Variants in AMPD2 observed in about 807,000 individuals in gnomAD.
AMPD2 encodes the protein adenosine monophosphate deaminase 2, also known as AMP deaminase 2.
AMPD2 carries 52 observed loss-of-function variants against 91.3 expected under a neutral mutation model. The ratio of observed to expected loss-of-function variants is 0.57; its 90% confidence interval spans 0.46 to 0.72. The LOEUF (loss-of-function observed/expected upper bound fraction) is 0.72, where lower values mean the gene tolerates loss of function less well. AMPD2 is among the 30% of genes least tolerant of loss of function. AMPD2 has a pLI of 0.00. For missense variants in AMPD2, 822 were observed against 1,122.3 expected (o/e 0.73, Z 3.82); for synonymous variants, 455 against 456.4 (o/e 1.00, Z 0.04).
intron 16 of AMPD2, 74 bp from the exon 17 acceptor site, chr1:109,630,159 G>C (rs189573337): frequency 1.3e-6 from 2 of 1,533,714 alleles, no homozygotes; most frequent in East Asian, 2.3e-5. Flanking sequence ...CTGTGGCCTG[G>C]ACCCCCAGAA....
chr1:109,627,763 C>T lies in AMPD2; in HGVS notation c.951-11C>T, dbSNP rs1261672163. On this transcript the variant is annotated splice_polypyrimidine_tract_variant and intron_variant, in intron 9 of 18. Transcript: ENST00000528667. ...GGGCCTAAGTCCCTGCCTTGTTCTC[C>T]TCATGCCCAGAAAGTCATTCTGCTA... 1.2e-6 allele frequency: 2 copies of T among 1,613,794 alleles called. No individual in the cohort carries two copies. The highest frequency in any genetic ancestry group is 1.7e-6 in the Non-Finnish European group (2 of 1,179,806).
In AMPD2 at chr1:109,627,904, G is replaced by A; in HGVS notation, c.1080+1G>A. 1 of 1,613,862 alleles carries A rather than the reference G, an allele frequency of 6.2e-7. No individual in the cohort carries two copies. Among genetic ancestry groups the A allele is most frequent in the Non-Finnish European group, 8.5e-7 (1 of 1,179,972 alleles). ...CCGAGATTTCTACAACATCCGCAAG[G>A]TGGGCCCTCACCCCGTGGCCGTCTC... is the stretch of plus-strand genomic sequence containing the variant. On this transcript the variant is annotated splice_donor_variant, in intron 10 of 18. Transcript: ENST00000528667. LOFTEE classifies it high-confidence loss of function.
rs970377105 is a variant in AMPD2 at position 109,624,960 on chromosome 1, C to T, written c.92-343C>T. On this transcript the variant is annotated intron_variant, in intron 2 of 18. Coordinates refer to ENST00000528667, the MANE Select transcript of AMPD2 (RefSeq NM_001368809.2). This position sits in a 1 kb window ranked among gnomAD's most constrained non-coding sequence, Gnocchi z 5.2. ...GTGCGTACGTGCATGTGTGTGCACA[C>T]GTACACACGTGCACCTGCCTCTGGG... Among the ~76,000 whole-genome samples the T allele has an allele frequency of 5.3e-5, 8 of 152,142 alleles. No homozygotes were observed. The highest frequency in any genetic ancestry group is 3.9e-4 in the Admixed American group (6 of 15,290).
chr1:109,622,996 T>C (rs563516815), intron 2 of AMPD2, among the ~76,000 whole-genome samples: 12 of 152,240 alleles, frequency 7.9e-5, no homozygotes, highest in East Asian at 1.9e-4. Flanking sequence ...AAGTAAGAGA[T>C]AGAGTCACCC....
In AMPD2 at chr1:109,627,282, G is replaced by T. The variant is rs777909141; in HGVS notation, c.826G>T (p.Val276Leu). 6.2e-7 allele frequency: 1 copy of T among 1,606,892 alleles called. No homozygotes were observed. Among genetic ancestry groups the T allele is most frequent in the Non-Finnish European group, 8.5e-7 (1 of 1,175,376 alleles). ...GGGTCTGCGCATGGTGCGGGGTGTG[G>T]TGCACGTCTACACCCGCAGGGAACC... ...GLGLRMVRGVVHVYTRREPDE... is the reference protein window; with the variant it reads ...GLGLRMVRGVLHVYTRREPDE... Residue 276 changes from valine (V) to leucine (L), a missense_variant, in exon 8 of 19, where the codon GTG becomes TTG. By Grantham distance (32) the Val-to-Leu change is conservative (BLOSUM62 1). Coordinates refer to ENST00000528667, the MANE Select transcript of AMPD2 (RefSeq NM_001368809.2).
chr1:109,625,582 C>A lies in AMPD2; in HGVS notation c.223-80C>A. The A allele has an allele frequency of 6.3e-7, 1 of 1,599,808 alleles. No individual in the cohort carries two copies. The highest frequency in any genetic ancestry group is 8.5e-7 in the Non-Finnish European group (1 of 1,169,596). On this transcript the variant is annotated intron_variant, in intron 3 of 18. Coordinates refer to ENST00000528667, the MANE Select transcript of AMPD2 (RefSeq NM_001368809.2). This position sits in a 1 kb window ranked among gnomAD's most constrained non-coding sequence, Gnocchi z 4.0. ...CCCAGGTACCCCTGGTCCTGCTGCC[C>A]TCACCCCATCCCCAGACTCTGTAGG... is the stretch of plus-strand genomic sequence containing the variant.
chr1:109,631,691 T>C lies in AMPD2; in HGVS notation c.*539T>C, dbSNP rs1428417441. 1 of 165,566 alleles carries C rather than the reference T, an allele frequency of 6.0e-6. No homozygotes were observed. The highest frequency in any genetic ancestry group is 2.4e-5 in the African/African-American group (1 of 41,596). 10.3% of individuals were successfully genotyped at this position (165,566 alleles called of 1,614,324 possible). A position where few individuals can be genotyped will look rare whatever the true frequency, so the allele number is the denominator to read the frequency against. ...AGCTCAGTCACAGGCCTGGGCTTCCTGGCCTGAGTGGGTAGACGCAGGCGG... is the reference window on the plus strand; with the variant it reads ...AGCTCAGTCACAGGCCTGGGCTTCCCGGCCTGAGTGGGTAGACGCAGGCGG... On this transcript the variant is annotated 3_prime_UTR_variant, in exon 19 of 19. Transcript: ENST00000528667.
Position 109,628,673 on chromosome 1 carries a change from T to C in AMPD2, c.1438T>C (p.Tyr480His), listed in dbSNP as rs778603855. The C allele has an allele frequency of 1.2e-6, 2 of 1,613,908 alleles. No individual in the cohort carries two copies. The highest frequency in any genetic ancestry group is 3.3e-5 in the Admixed American group (2 of 60,016). ...EVMSDLEESK[Y>H]QNAELRLSIY... is the part of the protein sequence containing the mutation. ...GATGTCAGACCTGGAGGAGAGCAAA[T>C]ACCAGAATGCAGAGCTGCGGCTCTC... Residue 480 changes from tyrosine (Y) to histidine (H), a missense_variant, in exon 13 of 19, where the codon TAC (tyrosine) becomes CAC (histidine). Tyr to His is a moderately conservative substitution (Grantham distance 83, BLOSUM62 2). Coordinates refer to ENST00000528667, the MANE Select transcript of AMPD2 (RefSeq NM_001368809.2). The surrounding 1 kb of genome is among the most constrained non-coding windows in gnomAD (Gnocchi z 7.1).
chr1:109,622,707 A>T (rs1650361565), intron 2 of AMPD2, among the ~76,000 whole-genome samples: 1 of 151,832 alleles, frequency 6.6e-6, no homozygotes, highest in Non-Finnish European at 1.5e-5. Context: ...TGGCTGTTGG[A>T]ATCTGTCCTG....
Position 109,628,858 on chromosome 1 carries a change from C to T in AMPD2, c.1571+52C>T. On this transcript the variant is annotated intron_variant, in intron 13 of 18. Coordinates refer to ENST00000528667, the MANE Select transcript of AMPD2 (RefSeq NM_001368809.2). This position sits in a 1 kb window ranked among gnomAD's most constrained non-coding sequence, Gnocchi z 7.1. ...ACCTGCGGGGTCATATTCAAGGGGT[C>T]AGGGCCTGCCTCCTGCCCTCCTAGG... 6.6e-7 allele frequency: 1 copy of T among 1,525,756 alleles called. No homozygotes were observed. The highest frequency in any genetic ancestry group is 8.8e-7 in the Non-Finnish European group (1 of 1,131,562). 94.5% of individuals were successfully genotyped at this position (1,525,756 alleles called of 1,614,324 possible).
At chr1:109,626,641 A>T (rs1008495194) in intron 6 of AMPD2, 85 bp from the exon 7 acceptor site, 2 of 1,517,152 alleles carry the variant, frequency 1.3e-6, no homozygotes, top group Admixed American at 3.9e-5. Context: ...GGAGGTGGGG[A>T]TAGTTTGGGT....
intron 1 of AMPD2, 179 bp downstream of exon 1, chr1:109,620,457 G>A (rs1156869582): frequency 1.3e-6 from 1 of 793,842 alleles, no homozygotes; most frequent in Non-Finnish European, 1.5e-6. Context: ...AAAATCCAAA[G>A]AGGCTAGGGT....
intron 17 of AMPD2, 109 bp from the exon 18 acceptor site, chr1:109,630,574 T>TTGGGGGGA: frequency 7.2e-6 from 1 of 139,424 alleles, no homozygotes; most frequent in Non-Finnish European, 1.0e-5. Flanking sequence ...GGTTGGGGGG[T>TTGGGGGGA]TGGGGGGATG....
At position 109,626,834 on chromosome 1, in the gene AMPD2, C is replaced by A. The variant is rs537803992; in HGVS notation, c.640C>A (p.Arg214Ser). The stretch of plus-strand genomic sequence containing the variant: ...GCAGAGCTTCTGCCCCACCACCCGC[C>A]GCTACCTGCAGCAGCTGGCTGAAAA... Reference protein sequence around the residue: ...SLQSFCPTTRRYLQQLAEKPL... With the variant: ...SLQSFCPTTRSYLQQLAEKPL... The change falls in exon 7 of 19, where the codon CGC becomes AGC. Residue 214 changes from arginine to serine, a missense_variant. Physicochemically the swap from Arg to Ser is moderately radical, Grantham distance 110. Transcript: ENST00000528667. 3.1e-6 allele frequency: 5 copies of A among 1,613,866 alleles called. No individual in the cohort carries two copies. The highest frequency in any genetic ancestry group is 4.2e-6 in the Non-Finnish European group (5 of 1,179,926).
In AMPD2 at chr1:109,620,215, G is replaced by T; in HGVS notation, c.-326G>T. The T allele has an allele frequency of 3.7e-6, 6 of 1,613,868 alleles. No homozygotes were observed. Among genetic ancestry groups the T allele is most frequent in the Non-Finnish European group, 5.1e-6 (6 of 1,179,790 alleles). On this transcript the variant is annotated 5_prime_UTR_variant, in exon 1 of 19. Transcript: ENST00000528667. ...CCCCCTGCCGTCCCTCAGGACCCGGGCTTTCTGCTGTACAGACTTCTCGTG... is the reference window on the plus strand; with the variant it reads ...CCCCCTGCCGTCCCTCAGGACCCGGTCTTTCTGCTGTACAGACTTCTCGTG...
chr1:109,625,868 T>G lies in AMPD2; in HGVS notation c.353+76T>G, dbSNP rs1650631014. ...TTTCAGAGCCCCTTTTCTGCCTCTTTCCCTCGCACCCTGCCTTGGGGGGTC... is the reference window on the plus strand; with the variant it reads ...TTTCAGAGCCCCTTTTCTGCCTCTTGCCCTCGCACCCTGCCTTGGGGGGTC... On this transcript the variant is annotated intron_variant, in intron 4 of 18. Transcript: ENST00000528667. The surrounding 1 kb of genome is among the most constrained non-coding windows in gnomAD (Gnocchi z 4.0). 1 of 1,584,170 alleles carries G rather than the reference T, an allele frequency of 6.3e-7. No homozygotes were observed. The highest frequency in any genetic ancestry group is 1.7e-5 in the Admixed American group (1 of 57,844).
Position 109,629,363 on chromosome 1 carries a change from C to G in AMPD2, c.1735C>G (p.Pro579Ala), listed in dbSNP as rs746418383. The G allele has an allele frequency of 6.2e-7, 1 of 1,614,132 alleles. No homozygotes were observed. The highest frequency in any genetic ancestry group is 1.1e-5 in the South Asian group (1 of 91,076). Reference sequence around the variant, plus strand: ...TGACAGCGTGGATGATGAGTCCAAGCCTGAAAACCATGTCTTCAACCTGGA... The same window carrying G: ...TGACAGCGTGGATGATGAGTCCAAGGCTGAAAACCATGTCTTCAACCTGGA... The part of the protein sequence containing the change: ...GFDSVDDESK[P>A]ENHVFNLESP... Residue 579 changes from proline (P) to alanine (A), a missense_variant, in exon 15 of 19, where the codon CCT becomes GCT. By Grantham distance (27) the Pro-to-Ala change is conservative (BLOSUM62 -1). Transcript: ENST00000528667.
At chr1:109,627,654 T>G in intron 9 of AMPD2, 120 bp from the exon 10 acceptor site, 1 of 1,528,252 alleles carries the variant, frequency 6.5e-7, no homozygotes, top group African/African-American at 1.4e-5. Flanking sequence ...CGCAGTCTAC[T>G]TCCCTCTTGG....
Position 109,619,908 on chromosome 1 carries a change from A to G in AMPD2, c.-633A>G. 1 of 341,318 alleles carries G rather than the reference A, an allele frequency of 2.9e-6. No individual in the cohort carries two copies. The highest frequency in any genetic ancestry group is 4.5e-5 in the Admixed American group (1 of 22,134). 21.1% of individuals were successfully genotyped at this position (341,318 alleles called of 1,614,324 possible). A position where few individuals can be genotyped will look rare whatever the true frequency, so the allele number is the denominator to read the frequency against. On this transcript the variant is annotated 5_prime_UTR_variant, in exon 1 of 19. Transcript: ENST00000528667. The stretch of plus-strand genomic sequence containing the variant: ...CTCACCTGTTGCGTGACTCCCCCAC[A>G]GTCCGGCCGCGGGAGTCCGACCCTG...
Sources: gnomAD v4.1 joint callset for allele counts (sites outside exome capture counted in the v4.1 genomes callset) on GRCh38, gnomAD v4.1.1 for gene constraint, Gnocchi (gnomAD v3.1) non-coding constraint, MANE v1.5 for transcripts, NCBI Gene and HGNC (gene_info 2026-07-23, HGNC 2026-07-21) for gene names.